The following C1orf87 variants were observed in gnomAD, a reference collection of about 807,000 sequenced individuals.
The protein encoded by C1orf87 is uncharacterized protein C1orf87.
C1orf87 carries 58 observed loss-of-function variants against 60.5 expected under a neutral mutation model. The ratio of observed to expected loss-of-function variants is 0.96; its 90% CI spans 0.78 to 1.19. C1orf87 has a LOEUF of 1.19. Ranked by LOEUF, C1orf87 falls within the 50% of genes most tolerant of loss-of-function variation. The probability of loss-of-function intolerance (pLI) is 0.00; values close to 1 mark genes in which losing one functional copy is unlikely to be tolerated. For synonymous variants in C1orf87, 236 were observed against 227.4 expected, an observed-to-expected ratio of 1.04 and a Z score of -0.34; for missense variants, 673 against 638.6, an observed-to-expected ratio of 1.05 and a Z score of -0.58.
At chr1:60,000,927 C>A in intron 10 of C1orf87, 150 bp downstream of exon 10, 1 of 638,502 alleles carries the variant, frequency 1.6e-6, no homozygotes, top group Non-Finnish European at 2.7e-6. Context: ...CCTTCTTTGC[C>A]CAAGGAGAGT....
At chr1:60,068,327 C>T (rs1384139987) in intron 2 of C1orf87, among the ~76,000 whole-genome samples, 2 of 152,160 alleles carry the variant, frequency 1.3e-5, no homozygotes, top group East Asian at 3.8e-4. Context: ...TTTATTTAAT[C>T]TTGTTGGTTT....
intron 8 of C1orf87, among the ~76,000 whole-genome samples, chr1:60,024,965 G>T (rs942092181): frequency 2.0e-5 from 3 of 152,190 alleles, no homozygotes; most frequent in Non-Finnish European, 2.9e-5. Context: ...ACTCCATCAA[G>T]TGATGAAATC....
chr1:60,035,181 T>G (rs1034314449), intron 6 of C1orf87, among the ~76,000 whole-genome samples: 3 of 152,222 alleles, frequency 2.0e-5, no homozygotes, highest in African/African-American at 7.2e-5. Context: ...CTCTCTTTGC[T>G]GCAAGGGCAC....
intron 10 of C1orf87, among the ~76,000 whole-genome samples, chr1:60,000,292 A>G (rs1644993178): frequency 6.6e-6 from 1 of 152,184 alleles, no homozygotes; most frequent in Non-Finnish European, 1.5e-5. Flanking sequence ...GATGCAATAA[A>G]TTCTTTAAAC....
At position 60,072,669 on chromosome 1, in the gene C1orf87, C is replaced by T. The variant is rs1279850019; in HGVS notation, c.-26G>A. The T allele has an allele frequency of 6.6e-7, 1 of 1,513,208 alleles. No individual in the cohort carries two copies. The highest frequency in any genetic ancestry group is 9.1e-7 in the Non-Finnish European group (1 of 1,104,014). The allele number at this position is 1,513,208 out of a possible 1,614,324, so 93.7% of individuals were successfully genotyped here. ...GATTCCTTTCAAAATCCCTTCAGAT[C>T]CCTAGGGGTGAAAATAAGTAAATTG... On this transcript the variant is annotated splice_region_variant and 5_prime_UTR_variant, in exon 2 of 12. Transcript: ENST00000371201.
intron 2 of C1orf87, among the ~76,000 whole-genome samples, chr1:60,062,701 C>G (rs571673081): frequency 1.4e-4 from 21 of 152,148 alleles, no homozygotes; most frequent in South Asian, 1.2e-3. Context: ...TTTGGAAAAG[C>G]CTTTATGCAT....
At chr1:60,016,222 T>C (rs1645123264) in intron 8 of C1orf87, among the ~76,000 whole-genome samples, 1 of 152,188 alleles carries the variant, frequency 6.6e-6, no homozygotes, top group South Asian at 2.1e-4. Context: ...CTCTAAACCT[T>C]AGTTTACTCA....
intron 4 of C1orf87, 22 bp from the exon 5 acceptor site, chr1:60,040,202 A>AAG: frequency 6.2e-7 from 1 of 1,602,770 alleles, no homozygotes; most frequent in Non-Finnish European, 8.5e-7. Context: ...ATGAAAAACA[A>AAG]AGAGCAAGAC....
chr1:59,990,544 A>T lies in C1orf87; in HGVS notation c.*129T>A. 8.8e-7 allele frequency: 1 copy of T among 1,130,030 alleles called. No homozygotes were observed. Among genetic ancestry groups the T allele is most frequent in the Non-Finnish European group, 1.3e-6 (1 of 792,562 alleles). 70.0% of individuals were successfully genotyped at this position (1,130,030 alleles called of 1,614,324 possible). ...CAGAAACTAAGTCCAAATCAAAAGC[A>T]TCTACAATAGCTGCATCGGCCTCCA... is the stretch of plus-strand genomic sequence containing the variant. On this transcript the variant is annotated 3_prime_UTR_variant, in exon 12 of 12. Transcript: ENST00000371201.
At chr1:60,008,558 C>T (rs1320120274) in intron 9 of C1orf87, 3 of 285,318 alleles carry the variant, frequency 1.1e-5, no homozygotes, top group East Asian at 2.1e-4. Context: ...TGACTGGTGT[C>T]CTTACAAGAA....
chr1:60,019,422 G>A (rs925968454), intron 8 of C1orf87, among the ~76,000 whole-genome samples: 4 of 152,206 alleles, frequency 2.6e-5, no homozygotes, highest in South Asian at 2.1e-4. Context: ...CCCAGTCTCC[G>A]GTTGTTCCTT....
intron 8 of C1orf87, among the ~76,000 whole-genome samples, chr1:60,015,658 T>G (rs1645119874): frequency 6.6e-6 from 1 of 152,188 alleles, no homozygotes; most frequent in African/African-American, 2.4e-5. Flanking sequence ...CTGGTGTCTT[T>G]TTGTGTGTCC....
intron 2 of C1orf87, among the ~76,000 whole-genome samples, chr1:60,065,490 A>T (rs1200719643): frequency 6.6e-6 from 1 of 152,050 alleles, no homozygotes; most frequent in Admixed American, 6.6e-5. Context: ...AAGAGCTGAT[A>T]GACCCTTATG....
At chr1:60,068,365 A>G (rs1349154433) in intron 2 of C1orf87, among the ~76,000 whole-genome samples, 2 of 152,220 alleles carry the variant, frequency 1.3e-5, no homozygotes, top group African/African-American at 4.8e-5. Flanking sequence ...AAGGCTTGTC[A>G]GCTTTCTGCT....
intron 8 of C1orf87, among the ~76,000 whole-genome samples, chr1:60,017,181 CTTATTA>C (rs1366434580): frequency 1.3e-5 from 2 of 152,132 alleles, no homozygotes; most frequent in African/African-American, 4.8e-5. Context: ...TTATAAAGCA[CTTATTA>C]TTATTTTCTG....
At chr1:60,021,781 T>G (rs1469755716) in intron 8 of C1orf87, among the ~76,000 whole-genome samples, 2 of 152,178 alleles carry the variant, frequency 1.3e-5, no homozygotes, top group African/African-American at 4.8e-5. Flanking sequence ...CATTAGAGGT[T>G]GATAAGTGTA....
In C1orf87 at chr1:60,055,495, G is replaced by A. The variant is rs377646445; in HGVS notation, c.108-57C>T. ...TACAGGCAGACTCCTCATACACTAG[G>A]CTGGCATAAGAACAGAAGGTGTGTT... On this transcript the variant is annotated intron_variant, in intron 2 of 11. Coordinates refer to ENST00000371201, the MANE Select transcript of C1orf87 (RefSeq NM_152377.3). The A allele has an allele frequency of 1.2e-4, 180 of 1,460,934 alleles. No individual in the cohort carries two copies. The African/African-American group carries it at 2.2e-3, about 18-fold the overall frequency. 90.5% of individuals were successfully genotyped at this position (1,460,934 alleles called of 1,614,324 possible).
At chr1:60,069,928 G>A (rs544908434) in intron 2 of C1orf87, among the ~76,000 whole-genome samples, 1 of 152,280 alleles carries the variant, frequency 6.6e-6, no homozygotes, top group Admixed American at 6.5e-5. Context: ...ATAAAAAGGG[G>A]CAATTTGGAC....
intron 7 of C1orf87, among the ~76,000 whole-genome samples, chr1:60,028,961 C>T (rs1645218079): frequency 6.6e-6 from 1 of 152,058 alleles, no homozygotes; most frequent in South Asian, 2.1e-4. Context: ...TCTCACTTGT[C>T]ATTACATCCT....
Sources: allele counts gnomAD v4.1 joint callset (sites outside exome capture counted in the v4.1 genomes callset), GRCh38; gene constraint gnomAD v4.1.1; transcripts MANE v1.5; gene names NCBI Gene and HGNC (gene_info 2026-07-23, HGNC 2026-07-21).